Variants in KPNA3 observed in about 807,000 individuals in gnomAD.
KPNA3 encodes the protein importin subunit alpha-4.
KPNA3 carries 13 observed loss-of-function variants against 73.8 expected under a neutral mutation model. The ratio of observed to expected loss-of-function variants is 0.18; its 90% CI spans 0.11 to 0.28. KPNA3 has a LOEUF of 0.28. Ranked by LOEUF, KPNA3 falls within the 10% of genes least tolerant of loss-of-function variation. The pLI, the probability that KPNA3 is intolerant of heterozygous loss-of-function variation, is 1.00. For missense variants in KPNA3, 360 were observed against 618.1 expected, an observed-to-expected ratio of 0.58 and a Z score of 4.43; for synonymous variants, 186 against 206.9, an observed-to-expected ratio of 0.90 and a Z score of 0.87.
chr13:49,712,762 TCAAAA>T (rs59005774), intron 10 of KPNA3, among the ~76,000 whole-genome samples: 11,300 of 151,430 alleles, frequency 0.075, 1,209 homozygotes, highest in East Asian at 0.58. Flanking sequence ...TTTAAAACTG[TCAAAA>T]CAGATAGTAA....
At chr13:49,752,113 G>A (rs1954668040) in intron 1 of KPNA3, among the ~76,000 whole-genome samples, 1 of 152,140 alleles carries the variant, frequency 6.6e-6, no homozygotes, top group Non-Finnish European at 1.5e-5. Context: ...ACTTTGGAAA[G>A]GCAACTTGAG....
rs369956378 is a variant in KPNA3, at chr13:49,722,499, T to C, written c.534A>G (p.Val178=). 3 of 1,611,130 alleles carry C rather than the reference T, an allele frequency of 1.9e-6. No individual in the cohort carries two copies. The highest frequency in any genetic ancestry group is 2.7e-5 in the African/African-American group (2 of 74,860). ...SPHQNVCEQA[V]WALGNIIGDG... ...TACCTATAATGTTTCCCAAAGCCCA[T>C]ACTGCTTGTTCACAAACATTCTGAT... Residue 178 remains valine, a synonymous_variant, in exon 8 of 17, where the codon GTA becomes GTG. Coordinates refer to ENST00000261667, the MANE Select transcript of KPNA3 (RefSeq NM_002267.4).
chr13:49,728,096 G>A (rs1238310238), intron 6 of KPNA3, among the ~76,000 whole-genome samples: 5 of 152,084 alleles, frequency 3.3e-5, no homozygotes, highest in East Asian at 3.9e-4. Context: ...TCAGCCGGGC[G>A]TGGTGGCAGG....
chr13:49,750,040 C>A (rs1236634707), intron 1 of KPNA3, among the ~76,000 whole-genome samples: 1 of 152,158 alleles, frequency 6.6e-6, no homozygotes, highest in African/African-American at 2.4e-5. Context: ...TATTTTTAGT[C>A]CACTCTGTCT....
At chr13:49,710,093 T>A (rs566456147) in intron 11 of KPNA3, among the ~76,000 whole-genome samples, 1 of 152,224 alleles carries the variant, frequency 6.6e-6, no homozygotes, top group East Asian at 1.9e-4. Context: ...TGAAACTCCA[T>A]CTCTACTAGA....
chr13:49,729,058 T>C lies in KPNA3; in HGVS notation c.383+3313A>G, dbSNP rs1044303189. Among the ~76,000 whole-genome samples the C allele has an allele frequency of 4.6e-5, 7 of 152,380 alleles. No homozygotes were observed. The South Asian group carries it at 6.2e-4, about 14-fold the overall frequency. On this transcript the variant is annotated intron_variant, in intron 6 of 16. Coordinates refer to ENST00000261667, the MANE Select transcript of KPNA3 (RefSeq NM_002267.4). ...CAGTTCTTTAGGGATAGACAATGGCTGGTAGTATCACTTACAAAAGTGTCT... is the reference window on the plus strand; with the variant it reads ...CAGTTCTTTAGGGATAGACAATGGCCGGTAGTATCACTTACAAAAGTGTCT...
chr13:49,788,249 G>GA (rs1283012616), intron 1 of KPNA3, among the ~76,000 whole-genome samples: 2 of 152,190 alleles, frequency 1.3e-5, no homozygotes, highest in African/African-American at 4.8e-5. Context: ...TCACACCCTT[G>GA]AGGTATACAG....
At chr13:49,758,700 ATGTG>A (rs1037666064) in intron 1 of KPNA3, among the ~76,000 whole-genome samples, 4 of 152,160 alleles carry the variant, frequency 2.6e-5, no homozygotes, top group Admixed American at 6.5e-5. Flanking sequence ...GTGTGTGTTT[ATGTG>A]TGTATGTATG....
chr13:49,730,349 A>G (rs1043948358), intron 6 of KPNA3, among the ~76,000 whole-genome samples: 5 of 151,832 alleles, frequency 3.3e-5, no homozygotes, highest in African/African-American at 9.7e-5. Context: ...CCTGGCCAAC[A>G]TGGTGAAACC....
At chr13:49,777,414 A>G (rs1216981307) in intron 1 of KPNA3, among the ~76,000 whole-genome samples, 2 of 152,190 alleles carry the variant, frequency 1.3e-5, no homozygotes, top group Non-Finnish European at 2.9e-5. Flanking sequence ...CATATAACCT[A>G]TGCACTCCTC....
intron 1 of KPNA3, among the ~76,000 whole-genome samples, chr13:49,765,887 T>A (rs887880623): frequency 1.3e-5 from 2 of 152,196 alleles, no homozygotes; most frequent in Non-Finnish European, 2.9e-5. Context: ...GCAAGTCCCA[T>A]AACCTTGGGA....
intron 1 of KPNA3, among the ~76,000 whole-genome samples, chr13:49,756,357 G>A (rs1594452218): frequency 6.6e-6 from 1 of 152,304 alleles, no homozygotes; most frequent in East Asian, 1.9e-4. Context: ...TTGAGCCCAG[G>A]AGGTCAAGAC....
Position 49,775,182 on chromosome 13 carries a change from A to G in KPNA3, c.69+17256T>C, listed in dbSNP as rs1294846369. Among the ~76,000 whole-genome samples, 10 of 125,218 alleles carry G rather than the reference A, an allele frequency of 8.0e-5. No individual in the cohort carries two copies. In the East Asian group the frequency reaches 2.0e-3, roughly 24 times the overall value. The allele number at this position is 125,218 out of a possible 152,430, so 82.1% of individuals were successfully genotyped here. A position where few individuals can be genotyped will look rare whatever the true frequency, so the allele number is the denominator to read the frequency against. On this transcript the variant is annotated intron_variant, in intron 1 of 16. Transcript: ENST00000261667. Reference sequence around the variant, plus strand: ...TGTCTCAAAAAAAAAAAAAAAAAAAAAAAAGAAAAAAGAAAAAAGAATATA... The same window carrying G: ...TGTCTCAAAAAAAAAAAAAAAAAAAGAAAAGAAAAAAGAAAAAAGAATATA...
intron 15 of KPNA3, 146 bp downstream of exon 15, chr13:49,705,475 A>G: frequency 1.1e-6 from 1 of 874,160 alleles, no homozygotes; most frequent in Non-Finnish European, 1.7e-6. Flanking sequence ...TGGAATGCAA[A>G]TATAGTGAAT....
chr13:49,781,264 T>C (rs1954938349), intron 1 of KPNA3, among the ~76,000 whole-genome samples: 1 of 152,176 alleles, frequency 6.6e-6, no homozygotes, highest in African/African-American at 2.4e-5. Flanking sequence ...ATCTGCCTAC[T>C]AGTCTATACA....
intron 6 of KPNA3, among the ~76,000 whole-genome samples, chr13:49,731,489 T>C (rs918327819): frequency 2.6e-5 from 4 of 152,108 alleles, no homozygotes; most frequent in African/African-American, 9.7e-5. Context: ...GTTACAGGCC[T>C]GGGGGTGGAA....
intron 1 of KPNA3, among the ~76,000 whole-genome samples, chr13:49,761,584 A>G (rs377519087): frequency 6.9e-6 from 1 of 145,764 alleles, no homozygotes; most frequent in African/African-American, 2.7e-5. Context: ...GATCTCGGCT[A>G]GCTACAACCT....
intron 1 of KPNA3, among the ~76,000 whole-genome samples, chr13:49,774,997 T>G (rs1010022545): frequency 1.3e-5 from 2 of 151,570 alleles, no homozygotes; most frequent in Non-Finnish European, 2.9e-5. Context: ...CTACTAAAAA[T>G]ACAAAAATTT....
intron 1 of KPNA3, among the ~76,000 whole-genome samples, chr13:49,772,052 T>A (rs1954860212): frequency 6.6e-6 from 1 of 152,260 alleles, no homozygotes; most frequent in South Asian, 2.1e-4. Context: ...TGAAATCATT[T>A]ATTAGCTCTA....
Sources: gnomAD v4.1 joint callset for allele counts (sites outside exome capture counted in the v4.1 genomes callset) on GRCh38, gnomAD v4.1.1 for gene constraint, MANE v1.5 for transcripts, NCBI Gene and HGNC (gene_info 2026-07-23, HGNC 2026-07-21) for gene names.